Variants in CR1 observed in about 807,000 individuals in gnomAD.
CR1 encodes complement C3b/C4b receptor 1 (Knops blood group).
In CR1, 116 loss-of-function variants were observed where a neutral mutation model predicts 187.3. That is an observed-to-expected ratio of 0.62 (90% CI 0.53 to 0.72). The LOEUF is 0.72. CR1 is among the 30% of genes least tolerant of loss of function. CR1 has a pLI of 0.00. For missense variants in CR1, 1,731 were observed against 2,110.7 expected (o/e 0.82, Z 3.52); for synonymous variants, 576 against 747.1 (o/e 0.77, Z 3.73).
intron 1 of CR1, among the ~76,000 whole-genome samples, chr1:207,504,741 A>G (rs1344769204): frequency 6.6e-6 from 1 of 152,166 alleles, no homozygotes; most frequent in Non-Finnish European, 1.5e-5. Context: ...ACTGGCAGAG[A>G]CTTTTTGAAT....
chr1:207,506,001 C>T lies in CR1; in HGVS notation c.219C>T (p.Cys73=), dbSNP rs1184774766. Residue 73 remains cysteine (C), a synonymous_variant, in exon 2 of 47, where the codon TGC becomes TGT. Coordinates refer to ENST00000367049, the MANE Select transcript of CR1 (RefSeq NM_000651.6). ...FPIGTYLNYE[C]RPGYSGRPFS... ...TTGGGACATATCTGAACTATGAATGCCGCCCTGGTTATTCCGGAAGACCGT... is the reference window on the plus strand; with the variant it reads ...TTGGGACATATCTGAACTATGAATGTCGCCCTGGTTATTCCGGAAGACCGT... 2 of 1,613,928 alleles carry T rather than the reference C, an allele frequency of 1.2e-6. No homozygotes were observed. Among genetic ancestry groups the T allele is most frequent in the Non-Finnish European group, 1.7e-6 (2 of 1,179,868 alleles).
Position 207,506,778 on chromosome 1 carries a change from G to T in CR1, c.366G>T (p.Gln122His). The T allele has an allele frequency of 6.2e-7, 1 of 1,613,630 alleles. No homozygotes were observed. Reference protein sequence around the residue: ...NGMVHVIKGIQFGSQIKYSCT... With the variant: ...NGMVHVIKGIHFGSQIKYSCT... ...TGGTGCATGTGATCAAAGGCATCCA[G>T]TTCGGATCCCAAATTAAATATTCTT... Residue 122 changes from glutamine (Q) to histidine (H), a missense_variant, in exon 3 of 47, where the codon CAG becomes CAT. Gln to His is a conservative substitution (Grantham distance 24). Coordinates refer to ENST00000367049, the MANE Select transcript of CR1 (RefSeq NM_000651.6).
chr1:207,593,271 T>A (rs1661331033), intron 35 of CR1, among the ~76,000 whole-genome samples: 2 of 151,878 alleles, frequency 1.3e-5, no homozygotes, highest in Admixed American at 6.6e-5. Flanking sequence ...TATAGACCAA[T>A]GGAACAGAAC....
At chr1:207,601,330 CA>C (rs1661599218) in intron 35 of CR1, among the ~76,000 whole-genome samples, 1 of 152,028 alleles carries the variant, frequency 6.6e-6, no homozygotes, top group Non-Finnish European at 1.5e-5. Flanking sequence ...TGTACCATGT[CA>C]GAAGAAAAAT....
intron 35 of CR1, among the ~76,000 whole-genome samples, chr1:207,601,566 C>A (rs939284842): frequency 1.3e-5 from 2 of 152,128 alleles, no homozygotes; most frequent in African/African-American, 4.8e-5. Context: ...TCTCTACATC[C>A]TCACCAACAC....
At chr1:207,638,940 A>G (rs1662897746) in intron 46 of CR1, among the ~76,000 whole-genome samples, 2 of 152,160 alleles carry the variant, frequency 1.3e-5, no homozygotes, top group African/African-American at 4.8e-5. Flanking sequence ...GGCGGGGGAC[A>G]ATTGTTGTAC....
intron 4 of CR1, among the ~76,000 whole-genome samples, chr1:207,514,038 AATCATGTTGAAGTTT>A (rs1301308589): frequency 6.6e-6 from 1 of 152,120 alleles, no homozygotes; most frequent in Non-Finnish European, 1.5e-5. Flanking sequence ...TATGTCTTTG[AATCATGTTGAAGTTT>A]ATCAAACACT....
Position 207,617,507 on chromosome 1 carries a change from A to ATATATGTG in CR1, c.6890-563_6890-562insATATGTGT, listed in dbSNP as rs1332301171. ...AGTATATATATATATATATATATATATGTGTGTGTGTGTGTGTGTGTGTGT... is the reference window on the plus strand; with the variant it reads ...AGTATATATATATATATATATATATATATATGTGTGTGTGTGTGTGTGTGTGTGTGTGT... On this transcript the variant is annotated intron_variant, in intron 41 of 46. Coordinates refer to ENST00000367049, the MANE Select transcript of CR1 (RefSeq NM_000651.6). 5.0e-3 allele frequency among the ~76,000 whole-genome samples: 237 copies of ATATATGTG among 47,016 alleles called. 4 individuals carry two copies. The highest frequency in any genetic ancestry group is 0.015 in the East Asian group (33 of 2,180). 30.8% of individuals were successfully genotyped at this position (47,016 alleles called of 152,430 possible).
intron 37 of CR1, among the ~76,000 whole-genome samples, chr1:207,610,054 T>C (rs1190464875): frequency 6.6e-6 from 1 of 152,108 alleles, no homozygotes; most frequent in African/African-American, 2.4e-5. Context: ...CAATAATGTG[T>C]AATAGTGATG....
Position 207,584,808 on chromosome 1 carries a change from C to A in CR1, c.5462C>A (p.Thr1821Lys). ...ATTGGGGAGAGCACCATCCGCTGCA[C>A]AAGTGACCCTCATGGGAATGGGGTT... ...NLIGESTIRC[T>K]SDPHGNGVWS... Residue 1821 changes from threonine to lysine, a missense_variant, in exon 33 of 47, where the codon ACA becomes AAA. Around this residue, in one of 5 missense-constraint regions of CR1, gnomAD observed 1,312 missense variants for 1,379.6 expected, o/e 0.95. Coordinates refer to ENST00000367049, the MANE Select transcript of CR1 (RefSeq NM_000651.6). 1 of 1,613,972 alleles carries A rather than the reference C, an allele frequency of 6.2e-7. No homozygotes were observed. The highest frequency in any genetic ancestry group is 8.5e-7 in the Non-Finnish European group (1 of 1,179,880).
chr1:207,515,672 A>C (rs915710350), intron 4 of CR1, among the ~76,000 whole-genome samples: 2 of 152,116 alleles, frequency 1.3e-5, no homozygotes, highest in African/African-American at 4.8e-5. Context: ...GATGATCTTG[A>C]GTACCTTTTC....
chr1:207,497,670 G>A (rs554188925), intron 1 of CR1, among the ~76,000 whole-genome samples: 1 of 152,270 alleles, frequency 6.6e-6, no homozygotes, highest in South Asian at 2.1e-4. Context: ...TAAGCAATCT[G>A]TTGTCAACGC....
chr1:207,616,872 G>A (rs1311398406), intron 41 of CR1, 70 bp downstream of exon 41: 10 of 1,555,702 alleles, frequency 6.4e-6, no homozygotes, highest in Non-Finnish European at 8.7e-6. Context: ...TATTTCTATA[G>A]TGACAGTCAT....
intron 46 of CR1, among the ~76,000 whole-genome samples, chr1:207,637,830 G>A (rs542657260): frequency 3.7e-4 from 56 of 152,200 alleles, no homozygotes; most frequent in Admixed American, 1.7e-3. Context: ...TGGGTTCATC[G>A]TAGATCTTCA....
rs141829859 is a variant in CR1, at chr1:207,632,044, A to AC, written c.7457+1423_7457+1424insC. ...GGTATTTTATAGTTAACCAAAACAT[A>AC]AGTAGAAGCAATTCAAACTTTTCTA... is the stretch of plus-strand genomic sequence containing the variant. On this transcript the variant is annotated intron_variant, in intron 46 of 46. Coordinates refer to ENST00000367049, the MANE Select transcript of CR1 (RefSeq NM_000651.6). 7.2e-3 allele frequency among the ~76,000 whole-genome samples: 1,102 copies of AC among 152,334 alleles called. 14 individuals carry two copies. Among genetic ancestry groups the AC allele is most frequent in the Non-Finnish European group, 0.01 (709 of 68,022 alleles).
chr1:207,577,434 T>A (rs1400780481), intron 28 of CR1, among the ~76,000 whole-genome samples: 1 of 152,164 alleles, frequency 6.6e-6, no homozygotes, highest in African/African-American at 2.4e-5. Context: ...AATTTGAAAT[T>A]AAAAAACAAA....
intron 46 of CR1, among the ~76,000 whole-genome samples, chr1:207,632,654 C>T (rs1662680848): frequency 6.6e-6 from 1 of 151,928 alleles, no homozygotes; most frequent in Admixed American, 6.6e-5. Context: ...AAAATTTAGC[C>T]AGGCGTGGTG....
In CR1 at chr1:207,506,135, C is replaced by A. The variant is rs190892373; in HGVS notation, c.301+52C>A. 4.3e-3 allele frequency: 6,901 copies of A among 1,586,624 alleles called. 22 individuals carry two copies. Among genetic ancestry groups the A allele is most frequent in the Non-Finnish European group, 5.4e-3 (6,306 of 1,166,208 alleles). ...CCTGTTAGTCAAACATCTGTAAGAT[C>A]TGATTCAATTTGTTCAAATTTTGTA... On this transcript the variant is annotated intron_variant, in intron 2 of 46. Coordinates refer to ENST00000367049, the MANE Select transcript of CR1 (RefSeq NM_000651.6).
intron 1 of CR1, among the ~76,000 whole-genome samples, chr1:207,500,478 A>G (rs1309861134): frequency 6.6e-6 from 1 of 152,226 alleles, no homozygotes; most frequent in Non-Finnish European, 1.5e-5. Context: ...TTAATTGTGC[A>G]TATAGCACAG....
Sources: allele counts gnomAD v4.1 joint callset (sites outside exome capture counted in the v4.1 genomes callset), GRCh38; gene constraint gnomAD v4.1.1; regional missense constraint gnomAD v4.1.1; transcripts MANE v1.5; gene names NCBI Gene and HGNC (gene_info 2026-07-23, HGNC 2026-07-21).